Variants in TMEM72 observed in about 807,000 individuals in gnomAD.
The protein encoded by TMEM72 is transmembrane protein 72.
TMEM72 carries 9 observed loss-of-function variants against 16.3 expected under a neutral mutation model. The ratio of observed to expected loss-of-function variants is 0.55; its 90% CI spans 0.33 to 0.96. The LOEUF (loss-of-function observed/expected upper bound fraction) is 0.96. TMEM72 is among the 40% of genes least tolerant of loss of function. The pLI is 0.03. For synonymous variants in TMEM72, 160 were observed against 146.5 expected, an observed-to-expected ratio of 1.09 and a Z score of -0.66; for missense variants, 324 against 337.8, an observed-to-expected ratio of 0.96 and a Z score of 0.32.
At chr10:44,927,117 A>G (rs1840208416) in intron 1 of TMEM72, among the ~76,000 whole-genome samples, 1 of 152,124 alleles carries the variant, frequency 6.6e-6, no homozygotes, top group Non-Finnish European at 1.5e-5. Context: ...CCAGAGAGAA[A>G]CAGGGTCAGC....
intron 1 of TMEM72, among the ~76,000 whole-genome samples, chr10:44,923,790 C>T (rs2132719141): frequency 6.6e-6 from 1 of 152,322 alleles, no homozygotes; most frequent in Non-Finnish European, 1.5e-5. Context: ...ATGCCTTCTG[C>T]TTTATGCCTG....
chr10:44,923,734 C>A (rs564203842), intron 1 of TMEM72, among the ~76,000 whole-genome samples: 31 of 152,346 alleles, frequency 2.0e-4, no homozygotes, highest in Admixed American at 5.9e-4. Context: ...CCTCTGCCCC[C>A]CTACTGCCCA....
chr10:44,933,003 T>C (rs1339730897), intron 3 of TMEM72, among the ~76,000 whole-genome samples: 1 of 152,182 alleles, frequency 6.6e-6, no homozygotes, highest in Non-Finnish European at 1.5e-5. Flanking sequence ...GCCCCAGCTC[T>C]AGGCCAATTC....
intron 1 of TMEM72, among the ~76,000 whole-genome samples, chr10:44,925,272 A>G (rs1463167925): frequency 2.0e-5 from 3 of 152,192 alleles, no homozygotes; most frequent in Non-Finnish European, 4.4e-5. Context: ...TTGTCTAAAG[A>G]GTGCAAAACA....
intron 1 of TMEM72, among the ~76,000 whole-genome samples, chr10:44,925,374 G>A (rs376549479): frequency 1.5e-4 from 23 of 152,338 alleles, no homozygotes; most frequent in African/African-American, 5.1e-4. Context: ...TCTGCTGGTC[G>A]TCTGCCACAA....
intron 1 of TMEM72, chr10:44,922,988 C>T (rs983702637): frequency 1.3e-5 from 2 of 152,260 alleles, no homozygotes; most frequent in Non-Finnish European, 2.9e-5. Context: ...ACAGCCCACT[C>T]TAAAACGTAG....
At position 44,934,919 on chromosome 10, in the gene TMEM72, C is replaced by G; in HGVS notation, c.613C>G (p.Leu205Val). 1 of 1,613,670 alleles carries G rather than the reference C, an allele frequency of 6.2e-7. No individual in the cohort carries two copies. The highest frequency in any genetic ancestry group is 8.5e-7 in the Non-Finnish European group (1 of 1,179,878). ...KPSALQPPNT[L>V]MELSLEPADS... Reference sequence around the variant, plus strand: ...CAGTGCCCTCCAGCCCCCCAACACCCTGATGGAGCTGAGCCTGGAGCCAGC... The same window carrying G: ...CAGTGCCCTCCAGCCCCCCAACACCGTGATGGAGCTGAGCCTGGAGCCAGC... Residue 205 changes from leucine to valine, a missense_variant, in exon 5 of 5, where the codon CTG becomes GTG. Physicochemically the swap from Leu to Val is conservative, Grantham distance 32. Coordinates refer to ENST00000389583, the MANE Select transcript of TMEM72 (RefSeq NM_001123376.3).
chr10:44,935,902 T>C lies in TMEM72; in HGVS notation c.*768T>C, dbSNP rs1024450913. On this transcript the variant is annotated 3_prime_UTR_variant, in exon 5 of 5. Coordinates refer to ENST00000389583, the MANE Select transcript of TMEM72 (RefSeq NM_001123376.3). ...GTGAATGCCAGGGCCCAGAAGGCAA[T>C]GTCTGCTGTGGGCAGGACCACAGAG... 3 of 152,248 alleles carry C rather than the reference T, an allele frequency of 2.0e-5. No homozygotes were observed. Among genetic ancestry groups the C allele is most frequent in the Non-Finnish European group, 4.4e-5 (3 of 68,076 alleles). 9.4% of individuals were successfully genotyped at this position (152,248 alleles called of 1,614,324 possible). A position where few individuals can be genotyped will look rare whatever the true frequency, so the allele number is the denominator to read the frequency against.
rs532437325 is a variant in TMEM72 at position 44,927,928 on chromosome 10, C to T, written c.78C>T (p.Ile26=). ...LLGITTAAVL[I]GVGTETFLQG... is the part of the protein sequence containing the mutation. ...TCTTCTCTTGCCCCTTAGTGTTGAT[C>T]GGCGTGGGCACTGAGACCTTCCTCC... is the stretch of plus-strand genomic sequence containing the variant. The change falls in exon 2 of 5, where the codon ATC becomes ATT. Residue 26 remains isoleucine (I), a synonymous_variant. Transcript: ENST00000389583. The T allele has an allele frequency of 1.1e-5, 17 of 1,613,908 alleles. No individual in the cohort carries two copies. Among genetic ancestry groups the T allele is most frequent in the East Asian group, 4.5e-5 (2 of 44,872 alleles).
chr10:44,932,599 G>C (rs534724930), intron 3 of TMEM72, among the ~76,000 whole-genome samples: 1 of 152,174 alleles, frequency 6.6e-6, no homozygotes, highest in East Asian at 1.9e-4. Flanking sequence ...AGCTGTTATC[G>C]GTGAGACCGA....
intron 2 of TMEM72, among the ~76,000 whole-genome samples, chr10:44,929,490 C>T (rs1237079488): frequency 6.6e-6 from 1 of 152,254 alleles, no homozygotes; most frequent in African/African-American, 2.4e-5. Context: ...CCACCTCTAC[C>T]TTCAGGTGGC....
rs1192182687 is a variant in TMEM72 at position 44,935,464 on chromosome 10, C to T, written c.*330C>T. On this transcript the variant is annotated 3_prime_UTR_variant, in exon 5 of 5. Transcript: ENST00000389583. Reference sequence around the variant, plus strand: ...TGCCATTGACTCAGCCCAGAAGGGACAGAGGATGTCTGCCCAGCAAAAGCC... The same window carrying T: ...TGCCATTGACTCAGCCCAGAAGGGATAGAGGATGTCTGCCCAGCAAAAGCC... 3.7e-6 allele frequency: 1 copy of T among 272,218 alleles called. No homozygotes were observed. Among genetic ancestry groups the T allele is most frequent in the African/African-American group, 2.2e-5 (1 of 45,682 alleles). The allele number at this position is 272,218 out of a possible 1,614,324, so 16.9% of individuals were successfully genotyped here. A position where few individuals can be genotyped will look rare whatever the true frequency, so the allele number is the denominator to read the frequency against.
chr10:44,927,893 C>A, intron 1 of TMEM72, 28 bp from the exon 2 acceptor site: 1 of 1,612,854 alleles, frequency 6.2e-7, no homozygotes. Context: ...GCACCAGGCC[C>A]ACTCTTCCTT....
chr10:44,911,451 C>G lies in TMEM72; in HGVS notation c.-62C>G. Reference sequence around the variant, plus strand: ...CTACCTACACAAGGGTGTTCGGGAGCATCTCAGGGCCGAAGACTTTGCTGC... The same window carrying G: ...CTACCTACACAAGGGTGTTCGGGAGGATCTCAGGGCCGAAGACTTTGCTGC... On this transcript the variant is annotated 5_prime_UTR_variant, in exon 1 of 5. Transcript: ENST00000389583. 6.6e-7 allele frequency: 1 copy of G among 1,513,178 alleles called. No individual in the cohort carries two copies. The highest frequency in any genetic ancestry group is 2.0e-5 in the Admixed American group (1 of 50,616). The allele number at this position is 1,513,178 out of a possible 1,614,324, so 93.7% of individuals were successfully genotyped here.
chr10:44,911,353 T>G lies in TMEM72; in HGVS notation c.-160T>G. 3.0e-6 allele frequency: 2 copies of G among 671,036 alleles called. No homozygotes were observed. The highest frequency in any genetic ancestry group is 5.5e-5 in the East Asian group (2 of 36,170). 41.6% of individuals were successfully genotyped at this position (671,036 alleles called of 1,614,324 possible). A position where few individuals can be genotyped will look rare whatever the true frequency, so the allele number is the denominator to read the frequency against. On this transcript the variant is annotated 5_prime_UTR_variant, in exon 1 of 5. Transcript: ENST00000389583. ...ACAGAAGGTGAGCCCTATTCACACC[T>G]CGGCCAGGCTGCGGTGGCCAGGACT...
intron 3 of TMEM72, 63 bp downstream of exon 3, chr10:44,932,132 CCA>C: frequency 6.5e-7 from 1 of 1,538,136 alleles, no homozygotes; most frequent in Non-Finnish European, 8.9e-7. Flanking sequence ...ACAGATGTCT[CCA>C]CCCAAGAGCC....
chr10:44,935,111 C>G lies in TMEM72; in HGVS notation c.805C>G (p.Leu269Val). Residue 269 changes from leucine to valine, a missense_variant, in exon 5 of 5, where the codon CTT (leucine) becomes GTT (valine). Transcript: ENST00000389583. Reference sequence around the variant, plus strand: ...CCAGGCCCCACTCTTCCTGTCATCTCTTACAGCCACCGGCCTGTTCTGAGC... The same window carrying G: ...CCAGGCCCCACTCTTCCTGTCATCTGTTACAGCCACCGGCCTGTTCTGAGC... ...PPQAPLFLSS[L>V]TATGLF The G allele has an allele frequency of 6.2e-7, 1 of 1,602,898 alleles. No homozygotes were observed. Among genetic ancestry groups the G allele is most frequent in the Non-Finnish European group, 8.5e-7 (1 of 1,174,448 alleles).
chr10:44,932,116 G>A lies in TMEM72; in HGVS notation c.209+47G>A, dbSNP rs751854570. The stretch of plus-strand genomic sequence containing the variant: ...CCCTCCATTGTCCACCCCAGCCCCA[G>A]ACACCACAGATGTCTCCACCCAAGA... On this transcript the variant is annotated intron_variant, in intron 3 of 4. Coordinates refer to ENST00000389583, the MANE Select transcript of TMEM72 (RefSeq NM_001123376.3). The A allele has an allele frequency of 3.1e-5, 49 of 1,585,258 alleles. No homozygotes were observed. The East Asian group carries it at 6.5e-4, about 21-fold the overall frequency.
chr10:44,911,449 A>G lies in TMEM72; in HGVS notation c.-64A>G. The G allele has an allele frequency of 3.3e-6, 5 of 1,511,416 alleles. No individual in the cohort carries two copies. Among genetic ancestry groups the G allele is most frequent in the Non-Finnish European group, 3.6e-6 (4 of 1,116,928 alleles). The allele number at this position is 1,511,416 out of a possible 1,614,324, so 93.6% of individuals were successfully genotyped here. On this transcript the variant is annotated 5_prime_UTR_variant, in exon 1 of 5. Transcript: ENST00000389583. ...TCCTACCTACACAAGGGTGTTCGGG[A>G]GCATCTCAGGGCCGAAGACTTTGCT... is the stretch of plus-strand genomic sequence containing the variant.
Sources: allele counts gnomAD v4.1 joint callset (sites outside exome capture counted in the v4.1 genomes callset), GRCh38; gene constraint gnomAD v4.1.1; transcripts MANE v1.5; gene names NCBI Gene and HGNC (gene_info 2026-07-23, HGNC 2026-07-21).